Variants in ZHX3 observed in about 807,000 individuals in gnomAD.
The protein encoded by ZHX3 is zinc fingers and homeoboxes 3.
A neutral mutation model predicts 64.5 loss-of-function variants in ZHX3; 20 were observed. That is an observed-to-expected ratio of 0.31 (90% CI 0.22 to 0.45). ZHX3 has a LOEUF of 0.45. Among genes scored for constraint, ZHX3 ranks in the 20% least tolerant of loss-of-function variants. The pLI is 1.00. For synonymous variants in ZHX3, 423 were observed against 461.6 expected (o/e 0.92, Z 1.07); for missense variants, 1,041 against 1,195.8 (o/e 0.87, Z 1.91).
At position 41,286,787 on chromosome 20, in the gene ZHX3, A is replaced by G. The variant is rs568838867; in HGVS notation, c.-244-17704T>C. ...TCTCCTCTCAAATTGTAATTCCCAC[A>G]TGTCAAAGGAGGGACCTGGTGGGAG... On this transcript the variant is annotated intron_variant, in intron 1 of 3. Transcript: ENST00000683867. Among the ~76,000 whole-genome samples, 172 of 152,110 alleles carry G rather than the reference A, an allele frequency of 1.1e-3. 1 individual carries two copies. The highest frequency in any genetic ancestry group is 1.6e-3 in the Admixed American group (24 of 15,274).
chr20:41,271,068 T>C (rs990326623), intron 1 of ZHX3, among the ~76,000 whole-genome samples: 6 of 152,224 alleles, frequency 3.9e-5, no homozygotes, highest in Non-Finnish European at 7.3e-5. Flanking sequence ...GTCCCCAGGC[T>C]GGAGTGCAGC....
intron 1 of ZHX3, among the ~76,000 whole-genome samples, chr20:41,270,540 G>T (rs2146625522): frequency 6.6e-6 from 1 of 152,080 alleles, no homozygotes; most frequent in African/African-American, 2.4e-5. Context: ...GCTGTGTGTG[G>T]TGGCAGGCAC....
chr20:41,199,471 G>C (rs1048457801), intron 3 of ZHX3, among the ~76,000 whole-genome samples: 1 of 151,940 alleles, frequency 6.6e-6, no homozygotes, highest in African/African-American at 2.4e-5. Context: ...TTTGCAGTAT[G>C]GGGTCAGTGA....
chr20:41,254,422 T>C (rs1191562767), intron 2 of ZHX3, among the ~76,000 whole-genome samples: 2 of 152,212 alleles, frequency 1.3e-5, no homozygotes, highest in African/African-American at 2.4e-5. Flanking sequence ...CTTAGCTCAG[T>C]GCCTGCCACA....
rs141091671 is a variant in ZHX3 at position 41,242,857 on chromosome 20, T to C, written c.-151+26133A>G. On this transcript the variant is annotated intron_variant, in intron 2 of 3. Coordinates refer to ENST00000683867, the MANE Select transcript of ZHX3 (RefSeq NM_001384317.1). ...TTATAACCCTATCCCTAAGAGCATA[T>C]GGCAATTGTCTTTGCCCACAGGATC... Among the ~76,000 whole-genome samples, 787 of 152,320 alleles carry C rather than the reference T, an allele frequency of 5.2e-3. 7 individuals are homozygous for C. The highest frequency in any genetic ancestry group is 0.012 in the African/African-American group (512 of 41,584).
intron 1 of ZHX3, among the ~76,000 whole-genome samples, chr20:41,295,846 G>A (rs529052123): frequency 6.8e-5 from 10 of 147,190 alleles, no homozygotes; most frequent in East Asian, 2.0e-4. Context: ...ACGAGACTCC[G>A]TCTCAAAAAA....
chr20:41,220,686 G>GTTTTGT (rs1170217172), intron 2 of ZHX3, among the ~76,000 whole-genome samples: 3 of 151,350 alleles, frequency 2.0e-5, no homozygotes, highest in Admixed American at 6.6e-5. Context: ...TTTTTGTTTT[G>GTTTTGT]TTTTGTTTTT....
At chr20:41,274,027 A>G (rs2043272208) in intron 1 of ZHX3, among the ~76,000 whole-genome samples, 1 of 152,210 alleles carries the variant, frequency 6.6e-6, no homozygotes, top group Non-Finnish European at 1.5e-5. Flanking sequence ...ATAAGGTGAT[A>G]CACTAACTTC....
Position 41,202,984 on chromosome 20 carries a change from G to A in ZHX3, c.1933C>T (p.Leu645=), listed in dbSNP as rs2038372053. The part of the protein sequence containing the change: ...PLPLDEELDR[L]RSETKMTRRE... ...CGGGTCATTTTGGTTTCACTTCTCA[G>A]GCGGTCCAGTTCCTCATCAAGAGGA... Residue 645 remains leucine, a synonymous_variant, in exon 3 of 4, where the codon CTG becomes TTG. Coordinates refer to ENST00000683867, the MANE Select transcript of ZHX3 (RefSeq NM_001384317.1). The surrounding 1 kb of genome is among the most constrained non-coding windows in gnomAD (Gnocchi z 7.0). The A allele has an allele frequency of 6.2e-7, 1 of 1,614,120 alleles. No homozygotes were observed. Among genetic ancestry groups the A allele is most frequent in the Admixed American group, 1.7e-5 (1 of 60,020 alleles).
intron 2 of ZHX3, among the ~76,000 whole-genome samples, chr20:41,266,028 G>C (rs1006278108): frequency 1.3e-5 from 2 of 152,194 alleles, no homozygotes; most frequent in South Asian, 4.1e-4. Flanking sequence ...TACTGAGGTA[G>C]GAGGCATGTG....
chr20:41,290,019 C>T (rs1366731123), intron 1 of ZHX3, among the ~76,000 whole-genome samples: 1 of 152,140 alleles, frequency 6.6e-6, no homozygotes, highest in Admixed American at 6.5e-5. Flanking sequence ...GAAAGGAAAG[C>T]ATTCATGTTT....
At chr20:41,256,274 A>T (rs1265517802) in intron 2 of ZHX3, among the ~76,000 whole-genome samples, 1 of 152,076 alleles carries the variant, frequency 6.6e-6, no homozygotes, top group South Asian at 2.1e-4. Flanking sequence ...GCTTACTGCT[A>T]TGTTTTTAGG....
At chr20:41,294,642 C>T (rs979682824) in intron 1 of ZHX3, among the ~76,000 whole-genome samples, 5 of 151,526 alleles carry the variant, frequency 3.3e-5, no homozygotes, top group African/African-American at 1.2e-4. Flanking sequence ...GGATTACAGG[C>T]ATGAGCCACT....
intron 2 of ZHX3, among the ~76,000 whole-genome samples, chr20:41,250,941 G>C (rs886793262): frequency 1.3e-5 from 2 of 152,180 alleles, no homozygotes; most frequent in African/African-American, 4.8e-5. Flanking sequence ...GAGGTTAGGA[G>C]TTTGAGACCA....
intron 2 of ZHX3, among the ~76,000 whole-genome samples, chr20:41,213,160 T>C (rs1568836416): frequency 6.6e-6 from 1 of 152,120 alleles, no homozygotes; most frequent in Admixed American, 6.5e-5. Context: ...GGCAAATCCA[T>C]AGAGGCAGAT....
intron 3 of ZHX3, chr20:41,196,578 T>A (rs1363475307): frequency 1.0e-4 from 8 of 76,674 alleles, no homozygotes; most frequent in Admixed American, 4.6e-4. Flanking sequence ...TATATAAAAA[T>A]ATATATATTT....
At position 41,195,919 on chromosome 20, in the gene ZHX3, A is replaced by G. The variant is rs562752963; in HGVS notation, c.2860+6138T>C. On this transcript the variant is annotated intron_variant, in intron 3 of 3. Transcript: ENST00000683867. The surrounding 1 kb of genome is among the most constrained non-coding windows in gnomAD (Gnocchi z 4.2). The stretch of plus-strand genomic sequence containing the variant: ...GTGTATTTCCACTTTTTTATTTTCA[A>G]TGTCTAGTTTCATTCCACTGTAACT... 2.6e-5 allele frequency among the ~76,000 whole-genome samples: 4 copies of G among 152,020 alleles called. No homozygotes were observed. The South Asian group carries it at 6.2e-4, about 24-fold the overall frequency.
At chr20:41,251,457 A>G (rs2041988818) in intron 2 of ZHX3, among the ~76,000 whole-genome samples, 1 of 152,232 alleles carries the variant, frequency 6.6e-6, no homozygotes, top group Admixed American at 6.5e-5. Flanking sequence ...ACACTAAAAA[A>G]ACTATTAGAA....
chr20:41,299,430 T>C (rs546420454), intron 1 of ZHX3, among the ~76,000 whole-genome samples: 1 of 152,260 alleles, frequency 6.6e-6, no homozygotes, highest in African/African-American at 2.4e-5. Context: ...TCAAGAAATA[T>C]TCTAAAAATC....
Sources: gnomAD v4.1 joint callset for allele counts (sites outside exome capture counted in the v4.1 genomes callset) on GRCh38, gnomAD v4.1.1 for gene constraint, Gnocchi (gnomAD v3.1) non-coding constraint, MANE v1.5 for transcripts, NCBI Gene and HGNC (gene_info 2026-07-23, HGNC 2026-07-21) for gene names.